The following ANKRD6 variants were observed in gnomAD, a reference collection of about 807,000 sequenced individuals.
The protein encoded by ANKRD6 is ankyrin repeat domain-containing protein 6.
Under a neutral mutation model 82.3 loss-of-function variants are expected in ANKRD6, and 56 were observed. The ratio of observed to expected loss-of-function variants is 0.68; its 90% CI spans 0.55 to 0.85. The LOEUF (loss-of-function observed/expected upper bound fraction) is 0.85. Ranked by LOEUF, ANKRD6 falls within the 40% of genes least tolerant of loss-of-function variation. ANKRD6 has a pLI of 0.00. For synonymous variants in ANKRD6, 347 were observed against 352.1 expected, an observed-to-expected ratio of 0.99 and a Z score of 0.16; for missense variants, 852 against 907.6, an observed-to-expected ratio of 0.94 and a Z score of 0.79.
chr6:89,563,918 C>G (rs573385054), intron 1 of ANKRD6, among the ~76,000 whole-genome samples: 1 of 152,178 alleles, frequency 6.6e-6, no homozygotes, highest in African/African-American at 2.4e-5. Flanking sequence ...CCTGGTATCT[C>G]TGCTGGGCCT....
chr6:89,628,111 TG>T (rs1443264971), intron 14 of ANKRD6: 1 of 174,704 alleles, frequency 5.7e-6, no homozygotes. Flanking sequence ...GTACTTGGTT[TG>T]GAAGATTTGG....
intron 13 of ANKRD6, among the ~76,000 whole-genome samples, chr6:89,625,488 C>T (rs1805333331): frequency 6.6e-6 from 1 of 152,046 alleles, no homozygotes; most frequent in South Asian, 2.1e-4. Flanking sequence ...TGTATATAAT[C>T]CCTGTAGTCA....
At chr6:89,610,032 A>G (rs1799818387) in intron 5 of ANKRD6, among the ~76,000 whole-genome samples, 1 of 152,186 alleles carries the variant, frequency 6.6e-6, no homozygotes, top group Non-Finnish European at 1.5e-5. Flanking sequence ...TATTCAGCAG[A>G]TGTAGCAGCT....
At chr6:89,463,751 A>G (rs1467370487) in intron 1 of ANKRD6, among the ~76,000 whole-genome samples, 2 of 152,040 alleles carry the variant, frequency 1.3e-5, no homozygotes, top group Admixed American at 6.6e-5. Flanking sequence ...GGGCTTCACC[A>G]TGTCTGGCAG....
chr6:89,454,955 C>T (rs571648029), intron 1 of ANKRD6, among the ~76,000 whole-genome samples: 2 of 152,222 alleles, frequency 1.3e-5, no homozygotes, highest in African/African-American at 4.8e-5. Context: ...ATTCTCTTGC[C>T]TCAGCCTCCC....
At chr6:89,618,067 G>A in intron 9 of ANKRD6, 36 bp downstream of exon 9, 1 of 1,609,396 alleles carries the variant, frequency 6.2e-7, no homozygotes, top group Non-Finnish European at 8.5e-7. Flanking sequence ...TACTGATTAT[G>A]CGGGACTACA....
chr6:89,544,899 G>A (rs1583197497), intron 1 of ANKRD6, among the ~76,000 whole-genome samples: 1 of 151,992 alleles, frequency 6.6e-6, no homozygotes, highest in South Asian at 2.1e-4. Context: ...GCAAGAAGAG[G>A]TTGCTCTCCT....
chr6:89,554,424 C>G (rs1471237375), intron 1 of ANKRD6, among the ~76,000 whole-genome samples: 1 of 144,632 alleles, frequency 6.9e-6, no homozygotes, highest in Non-Finnish European at 1.5e-5. Context: ...TCCAGGACAT[C>G]AACGGATTAA....
chr6:89,476,896 ACT>A (rs2127798535), intron 1 of ANKRD6, among the ~76,000 whole-genome samples: 1 of 152,290 alleles, frequency 6.6e-6, no homozygotes, highest in East Asian at 1.9e-4. Flanking sequence ...CATGTTTTAA[ACT>A]CTTTTCAAAT....
chr6:89,490,828 A>G (rs1237156557), intron 1 of ANKRD6, among the ~76,000 whole-genome samples: 3 of 152,138 alleles, frequency 2.0e-5, no homozygotes, highest in African/African-American at 4.8e-5. Flanking sequence ...AGTGGGTCAA[A>G]TGGTGGCCCC....
intron 1 of ANKRD6, among the ~76,000 whole-genome samples, chr6:89,554,673 G>A (rs534621368): frequency 1.3e-5 from 2 of 152,074 alleles, no homozygotes; most frequent in East Asian, 1.9e-4. Context: ...CGTATTGTTC[G>A]TGTGACAGGC....
chr6:89,595,949 A>C lies in ANKRD6; in HGVS notation c.154A>C (p.Lys52Gln). 1 of 1,610,860 alleles carries C rather than the reference A, an allele frequency of 6.2e-7. No individual in the cohort carries two copies. The highest frequency in any genetic ancestry group is 1.1e-5 in the South Asian group (1 of 89,948). Residue 52 changes from lysine to glutamine, a missense_variant, in exon 3 of 16, where the codon AAG becomes CAG. Transcript: ENST00000339746. The part of the protein sequence containing the change: ...GRTPLHLAAN[K>Q]GHLPVVQILL... ...GACTCCCCTGCATCTTGCTGCCAAT[A>C]AGGGCCATCTTCCTGTGGTCCAGAT...
At chr6:89,496,879 T>C (rs955559138) in intron 1 of ANKRD6, among the ~76,000 whole-genome samples, 1 of 152,242 alleles carries the variant, frequency 6.6e-6, no homozygotes, top group Non-Finnish European at 1.5e-5. Flanking sequence ...TGTCATAACA[T>C]CTAAGCATAA....
chr6:89,560,163 A>G (rs565367846), intron 1 of ANKRD6, among the ~76,000 whole-genome samples: 1 of 152,282 alleles, frequency 6.6e-6, no homozygotes, highest in South Asian at 2.1e-4. Context: ...TGCTTGAGCT[A>G]CCATAACAAA....
chr6:89,573,455 C>G (rs946055625), intron 2 of ANKRD6, among the ~76,000 whole-genome samples: 1 of 152,086 alleles, frequency 6.6e-6, no homozygotes, highest in Non-Finnish European at 1.5e-5. Flanking sequence ...GGGGATATCC[C>G]CTCTGGAGTC....
intron 1 of ANKRD6, among the ~76,000 whole-genome samples, chr6:89,494,854 A>G (rs947499421): frequency 6.6e-6 from 1 of 152,194 alleles, no homozygotes; most frequent in African/African-American, 2.4e-5. Context: ...TCATTACCAC[A>G]TCAGAGAGAA....
At chr6:89,628,541 G>A (rs557732757) in intron 14 of ANKRD6, among the ~76,000 whole-genome samples, 3 of 152,194 alleles carry the variant, frequency 2.0e-5, no homozygotes, top group Admixed American at 1.3e-4. Context: ...AGGCCTAGGT[G>A]GGCGGATCAC....
chr6:89,455,407 G>C (rs898317300), intron 1 of ANKRD6, among the ~76,000 whole-genome samples: 1 of 151,940 alleles, frequency 6.6e-6, no homozygotes. Context: ...GAGTGGAGGA[G>C]GTGCCATATA....
intron 3 of ANKRD6, among the ~76,000 whole-genome samples, chr6:89,596,574 T>C (rs1795966930): frequency 6.6e-6 from 1 of 152,214 alleles, no homozygotes; most frequent in South Asian, 2.1e-4. Flanking sequence ...GAGTTTACTC[T>C]GCCACCATGC....
Sources: gnomAD v4.1 joint callset for allele counts (sites outside exome capture counted in the v4.1 genomes callset) on GRCh38, gnomAD v4.1.1 for gene constraint, MANE v1.5 for transcripts, NCBI Gene and HGNC (gene_info 2026-07-23, HGNC 2026-07-21) for gene names.